DDX5: variants seen among roughly 807,000 people sequenced by gnomAD.
The protein encoded by DDX5 is probable ATP-dependent RNA helicase DDX5.
In DDX5, 6 loss-of-function variants were observed where a neutral mutation model predicts 68.6. The ratio of observed to expected loss-of-function variants is 0.09; its 90% confidence interval spans 0.05 to 0.17. The LOEUF (loss-of-function observed/expected upper bound fraction) is 0.17. DDX5 is among the 10% of genes least tolerant of loss of function. The pLI, the probability that DDX5 is intolerant of heterozygous loss-of-function variation, is 1.00. For missense variants in DDX5, 499 were observed against 756.1 expected (o/e 0.66, Z 3.99); for synonymous variants, 350 against 247.0 (o/e 1.42, Z -3.91).
rs1555670711 is a variant in DDX5, at chr17:64,500,022, T to G, written c.1746A>C (p.Pro582=). The stretch of plus-strand genomic sequence containing the variant: ...GTTGGTTCATACCATTGTGCATATT[T>G]GGAACATTACTTCCGTATTGCTGAG... ...DSTQQYGSNV[P]NMHNGMNQQA... The change falls in exon 13 of 13, where the codon CCA becomes CCC. Residue 582 remains proline, a synonymous_variant. Coordinates refer to ENST00000225792, the MANE Select transcript of DDX5 (RefSeq NM_004396.5). The G allele has an allele frequency of 6.2e-7, 1 of 1,614,260 alleles. No individual in the cohort carries two copies. Among genetic ancestry groups the G allele is most frequent in the African/African-American group, 1.3e-5 (1 of 75,076 alleles).
chr17:64,501,336 GA>G (rs2144253387), intron 11 of DDX5: 1 of 159,774 alleles, frequency 6.3e-6, no homozygotes, highest in East Asian at 1.9e-4. Context: ...ATTCACTTGA[GA>G]ATGTGTCTCT....
chr17:64,506,326 A>G, upstream of DDX5: 1 of 1,476,828 alleles, frequency 6.8e-7, no homozygotes, highest in Non-Finnish European at 9.0e-7. Flanking sequence ...TATAGTCTGG[A>G]CCGCCTCCTA....
chr17:64,504,639 C>G (rs782319176), intron 2 of DDX5, 38 bp downstream of exon 2: 1 of 1,558,510 alleles, frequency 6.4e-7, no homozygotes, highest in Non-Finnish European at 8.6e-7. Context: ...AATCCACGAT[C>G]GAGTTACAGC....
Position 64,499,221 on chromosome 17 carries a change from G to A in DDX5, c.*702C>T, listed in dbSNP as rs2038233336. Among the ~76,000 whole-genome samples the A allele has an allele frequency of 1.3e-5, 2 of 152,074 alleles. No individual in the cohort carries two copies. The highest frequency in any genetic ancestry group is 2.4e-5 in the African/African-American group (1 of 41,414). Reference sequence around the variant, plus strand: ...AGTCTCTTGAAAAAGCCAGTTATTTGGAGCTTTTTAAATTATAAACTTTGA... The same window carrying A: ...AGTCTCTTGAAAAAGCCAGTTATTTAGAGCTTTTTAAATTATAAACTTTGA... On this transcript the variant is annotated 3_prime_UTR_variant, in exon 13 of 13. Coordinates refer to ENST00000225792, the MANE Select transcript of DDX5 (RefSeq NM_004396.5).
At chr17:64,500,919 T>C (rs546912689) in intron 11 of DDX5, 146 bp from the exon 12 acceptor site, 397 of 630,892 alleles carry the variant, frequency 6.3e-4, no homozygotes, top group Non-Finnish European at 1.0e-3. Context: ...ATCCATTTCC[T>C]GTAGGAATAC....
chr17:64,499,807 G>A lies in DDX5; in HGVS notation c.*116C>T. The A allele has an allele frequency of 2.1e-6, 2 of 948,888 alleles. No individual in the cohort carries two copies. Among genetic ancestry groups the A allele is most frequent in the Non-Finnish European group, 3.0e-6 (2 of 668,734 alleles). The allele number at this position is 948,888 out of a possible 1,614,324, so 58.8% of individuals were successfully genotyped here. On this transcript the variant is annotated 3_prime_UTR_variant, in exon 13 of 13. Transcript: ENST00000225792. ...AGCGAAAAAGTGCACCATAATTACT[G>A]CTGCACTGCAGTCATTTCTGCAATT...
Position 64,499,135 on chromosome 17 carries a change from GTCTT to G in DDX5, c.*784_*787del, listed in dbSNP as rs1288674301. Among the ~76,000 whole-genome samples the G allele has an allele frequency of 1.3e-5, 2 of 152,184 alleles. No individual in the cohort carries two copies. Among genetic ancestry groups the G allele is most frequent in the Non-Finnish European group, 2.9e-5 (2 of 68,028 alleles). On this transcript the variant is annotated 3_prime_UTR_variant, in exon 13 of 13. Coordinates refer to ENST00000225792, the MANE Select transcript of DDX5 (RefSeq NM_004396.5). ...TGGCCATCTTAAAGGGCTAATGTAT[GTCTT>G]TCACAGGTTTGTTCAACATTTCAGT... is the stretch of plus-strand genomic sequence containing the variant.
chr17:64,503,919 T>C (rs1378821426), intron 4 of DDX5, 51 bp from the exon 5 acceptor site: 2 of 1,613,710 alleles, frequency 1.2e-6, no homozygotes, highest in East Asian at 2.2e-5. Flanking sequence ...AAATACTCGT[T>C]TTTAAATTAC....
intron 11 of DDX5, 45 bp downstream of exon 11, chr17:64,501,965 G>C: frequency 1.3e-6 from 2 of 1,579,526 alleles, no homozygotes; most frequent in Non-Finnish European, 1.7e-6. Flanking sequence ...AAGTTAAATG[G>C]AGATCTTCTG....
Position 64,501,921 on chromosome 17 carries a change from G to A in DDX5, c.1216+89C>T. ...ATGTGAAAAAAAACTTAGAAAAAAT[G>A]CAGGTTAAAGAAAGCAATAAACTTT... On this transcript the variant is annotated intron_variant, in intron 11 of 12. Coordinates refer to ENST00000225792, the MANE Select transcript of DDX5 (RefSeq NM_004396.5). 4.5e-6 allele frequency: 6 copies of A among 1,335,132 alleles called. No individual in the cohort carries two copies. The South Asian group carries it at 6.1e-5, about 14-fold the overall frequency. The allele number at this position is 1,335,132 out of a possible 1,614,324, so 82.7% of individuals were successfully genotyped here.
intron 1 of DDX5, 45 bp downstream of exon 1, chr17:64,506,031 C>CAA (rs2144288789): frequency 1.1e-5 from 15 of 1,381,396 alleles, no homozygotes; most frequent in Non-Finnish European, 1.5e-5. Flanking sequence ...CCCGCCCTCC[C>CAA]ATCCCCCCAC....
chr17:64,504,632 C>T (rs782458926), intron 2 of DDX5, 45 bp downstream of exon 2: 2 of 1,552,974 alleles, frequency 1.3e-6, no homozygotes, highest in Non-Finnish European at 1.7e-6. Context: ...TTACTAGAAT[C>T]CACGATCGAG....
rs782039991 is a variant in DDX5 at position 64,499,105 on chromosome 17, G to GCTC, written c.*815_*817dup. Reference sequence around the variant, plus strand: ...ATTCAGTAAAGGAGACTCAAGCTTAGCTCCTGGCCATCTTAAAGGGCTAAT... The same window carrying GCTC: ...ATTCAGTAAAGGAGACTCAAGCTTAGCTCCTCCTGGCCATCTTAAAGGGCTAAT... On this transcript the variant is annotated 3_prime_UTR_variant, in exon 13 of 13. Coordinates refer to ENST00000225792, the MANE Select transcript of DDX5 (RefSeq NM_004396.5). 2.0e-5 allele frequency among the ~76,000 whole-genome samples: 3 copies of GCTC among 152,158 alleles called. No individual in the cohort carries two copies. The highest frequency in any genetic ancestry group is 2.9e-5 in the Non-Finnish European group (2 of 68,024).
chr17:64,506,397 C>A, upstream of DDX5: 1 of 1,398,342 alleles, frequency 7.2e-7, no homozygotes, highest in Non-Finnish European at 9.3e-7. Context: ...CGCGCATAGG[C>A]CGCAACGCCC....
Position 64,502,468 on chromosome 17 carries a change from A to T in DDX5, c.1065T>A (p.Asp355Glu). ...CTCTCCTCATTTTTCTGGTAAGCTC[A>T]TCACATCTTCTTTTGGTTTCCACAA... Reference protein sequence around the residue: ...IVFVETKRRCDELTRKMRRDG... With the variant: ...IVFVETKRRCEELTRKMRRDG... The change falls in exon 9 of 13, where the codon GAT becomes GAA. Residue 355 changes from aspartate (D) to glutamate (E), a missense_variant. Physicochemically the swap from Asp to Glu is conservative, Grantham distance 45 (BLOSUM62 2). This residue lies in a region of DDX5 where 26 missense variants were observed against 128.2 expected (regional missense o/e 0.20). Coordinates refer to ENST00000225792, the MANE Select transcript of DDX5 (RefSeq NM_004396.5). 1 of 1,613,522 alleles carries T rather than the reference A, an allele frequency of 6.2e-7. No homozygotes were observed. The highest frequency in any genetic ancestry group is 1.1e-5 in the South Asian group (1 of 91,076).
At chr17:64,506,474 C>G, upstream of DDX5, 2 of 1,152,942 alleles carry the variant, frequency 1.7e-6, no homozygotes, top group Non-Finnish European at 2.3e-6. Context: ...AGGGCCCACC[C>G]ACCATTGGAA....
Position 64,505,666 on chromosome 17 carries a change from A to G in DDX5, c.44+410T>C, listed in dbSNP as rs2038462645. 3 of 1,422,718 alleles carry G rather than the reference A, an allele frequency of 2.1e-6. No individual in the cohort carries two copies. In the Admixed American group the frequency reaches 5.9e-5, roughly 28 times the overall value. The allele number at this position is 1,422,718 out of a possible 1,614,324, so 88.1% of individuals were successfully genotyped here. On this transcript the variant is annotated intron_variant, in intron 1 of 12. Transcript: ENST00000225792. ...ATGCCGGCCGCCCTCCTACCCCAAC[A>G]GCACCAGGGCTTTGGAAGTGGTCCC...
At chr17:64,502,798 G>A (rs2038332730) in intron 8 of DDX5, 128 bp downstream of exon 8, 8 of 973,840 alleles carry the variant, frequency 8.2e-6, no homozygotes, top group African/African-American at 1.6e-5. Flanking sequence ...GAAATTTTCA[G>A]GATTAGTAGG....
chr17:64,503,135 C>A (rs1314135923), intron 7 of DDX5, 37 bp from the exon 8 acceptor site: 2 of 1,612,422 alleles, frequency 1.2e-6, no homozygotes, highest in African/African-American at 2.7e-5. Flanking sequence ...GTATCAGACT[C>A]TTAAGAGTGA....
Sources: allele counts gnomAD v4.1 joint callset (sites outside exome capture counted in the v4.1 genomes callset), GRCh38; gene constraint gnomAD v4.1.1; regional missense constraint gnomAD v4.1.1; transcripts MANE v1.5; gene names NCBI Gene and HGNC (gene_info 2026-07-23, HGNC 2026-07-21).